NRG1: variants seen among roughly 807,000 people sequenced by gnomAD.
The protein encoded by NRG1 is neuregulin 1.
In NRG1, 18 loss-of-function variants were observed where a neutral mutation model predicts 63.8. The observed-to-expected ratio is 0.28, with a 90% CI of 0.19 to 0.42. NRG1 has a LOEUF of 0.42. Among genes scored for constraint, NRG1 ranks in the 10% least tolerant of loss-of-function variants. NRG1 has a pLI of 1.00. For missense variants in NRG1, 762 were observed against 814.7 expected (o/e 0.94, Z 0.79); for synonymous variants, 302 against 301.3 (o/e 1.00, Z -0.02).
At chr8:31,775,300 T>G (rs1819011806) in intron 1 of NRG1, among the ~76,000 whole-genome samples, 1 of 152,130 alleles carries the variant, frequency 6.6e-6, no homozygotes, top group Admixed American at 6.5e-5. Context: ...CATCAACAGG[T>G]ATGAACCTGG....
At chr8:32,071,384 A>G (rs1378371519) in intron 1 of NRG1, among the ~76,000 whole-genome samples, 1 of 152,208 alleles carries the variant, frequency 6.6e-6, no homozygotes, top group Non-Finnish European at 1.5e-5. Context: ...TTATATGTGA[A>G]TGAACTTTCA....
intron 1 of NRG1, among the ~76,000 whole-genome samples, chr8:32,012,072 C>G (rs1444111692): frequency 6.6e-6 from 1 of 152,014 alleles, no homozygotes; most frequent in Non-Finnish European, 1.5e-5. Flanking sequence ...GGTCTTAAGC[C>G]TAAGATGCCA....
At chr8:32,609,165 A>G (rs1434729198) in intron 3 of NRG1, among the ~76,000 whole-genome samples, 1 of 152,112 alleles carries the variant, frequency 6.6e-6, no homozygotes, top group Non-Finnish European at 1.5e-5. Context: ...TTTCCTGTAC[A>G]TTAGAGGAGA....
intron 1 of NRG1, among the ~76,000 whole-genome samples, chr8:31,641,472 A>G (rs1192083015): frequency 6.6e-6 from 1 of 152,106 alleles, no homozygotes; most frequent in East Asian, 1.9e-4. Flanking sequence ...AAGAAGAAGA[A>G]TTTTGGAAGT....
At chr8:32,718,432 C>T (rs1025081697) in intron 5 of NRG1, among the ~76,000 whole-genome samples, 1 of 152,150 alleles carries the variant, frequency 6.6e-6, no homozygotes, top group Non-Finnish European at 1.5e-5. Flanking sequence ...CTTCTACTCT[C>T]ACCTCCTTCA....
chr8:32,263,164 C>T (rs1022010121), intron 1 of NRG1, among the ~76,000 whole-genome samples: 2 of 152,118 alleles, frequency 1.3e-5, no homozygotes, highest in Non-Finnish European at 1.5e-5. Context: ...ACACTGTGCT[C>T]CACATTGTAA....
intron 1 of NRG1, among the ~76,000 whole-genome samples, chr8:31,766,279 A>AG: frequency 6.6e-6 from 1 of 152,332 alleles, no homozygotes; most frequent in East Asian, 1.9e-4. Flanking sequence ...ACGTTAAAAA[A>AG]GATCCCCTGA....
intron 5 of NRG1, chr8:32,722,106 T>C: frequency 7.6e-7 from 1 of 1,319,520 alleles, no homozygotes; most frequent in African/African-American, 1.5e-5. Flanking sequence ...ACATTTAAAA[T>C]GTGCATATTT....
chr8:31,727,335 G>A (rs560381294), intron 1 of NRG1, among the ~76,000 whole-genome samples: 20 of 152,230 alleles, frequency 1.3e-4, no homozygotes, highest in African/African-American at 4.3e-4. Context: ...ATTACAGCTC[G>A]CAGAGCTAAT....
chr8:32,533,859 C>T (rs1351269751), intron 1 of NRG1, among the ~76,000 whole-genome samples: 1 of 152,038 alleles, frequency 6.6e-6, no homozygotes, highest in Non-Finnish European at 1.5e-5. Flanking sequence ...TGATCAAGGA[C>T]ATTTTAGCAA....
rs947562587 is a variant in NRG1, at chr8:32,107,842, G to C, written c.37+468411G>C. ...TTTTTCCTATAAAGACAACCTGAAG[G>C]CTCTTTTGAAATATGTATAAGTGCT... On this transcript the variant is annotated intron_variant, in intron 1 of 10. Transcript: ENST00000519301. Among the ~76,000 whole-genome samples the C allele has an allele frequency of 2.6e-5, 4 of 152,146 alleles. 1 individual carries two copies. The highest frequency in any genetic ancestry group is 2.4e-5 in the African/African-American group (1 of 41,522).
At chr8:32,459,627 A>G (rs916537922) in intron 1 of NRG1, among the ~76,000 whole-genome samples, 2 of 151,250 alleles carry the variant, frequency 1.3e-5, no homozygotes, top group East Asian at 3.9e-4. Flanking sequence ...AAGAAGAAGG[A>G]AACATGAATT....
chr8:32,143,598 G>A (rs993480601), intron 1 of NRG1, among the ~76,000 whole-genome samples: 4 of 152,166 alleles, frequency 2.6e-5, no homozygotes, highest in African/African-American at 4.8e-5. Flanking sequence ...GGACAAGCAC[G>A]TTTCTCAGGC....
At chr8:31,852,305 C>A (rs1827322730) in intron 1 of NRG1, among the ~76,000 whole-genome samples, 2 of 150,126 alleles carry the variant, frequency 1.3e-5, no homozygotes, top group Non-Finnish European at 3.0e-5. Flanking sequence ...GCCATTCTAA[C>A]TGGTGTGAGA....
intron 1 of NRG1, among the ~76,000 whole-genome samples, chr8:32,280,691 GTT>G (rs1174950316): frequency 0.03 from 1,724 of 57,524 alleles, 23 homozygotes; most frequent in African/African-American, 0.074. Flanking sequence ...TTTTTTTTTT[GTT>G]TTTTTTTTTT....
chr8:32,210,293 G>A (rs1844558348), intron 1 of NRG1, among the ~76,000 whole-genome samples: 1 of 152,036 alleles, frequency 6.6e-6, no homozygotes, highest in Non-Finnish European at 1.5e-5. Flanking sequence ...TTGAACACAG[G>A]AATACCCAAG....
intron 1 of NRG1, among the ~76,000 whole-genome samples, chr8:32,240,942 G>A (rs753895063): frequency 2.0e-5 from 3 of 152,016 alleles, no homozygotes; most frequent in Admixed American, 2.0e-4. Flanking sequence ...GAAGGAGAAT[G>A]GGGGGTACCT....
rs145500700 is a variant in NRG1, at chr8:32,639,750, C to A, written c.502+22865C>A. ...TACATTTCTGGGTTGATTGGGGGAC[C>A]AGTTTATAGAATTGGCTGACAAGCA... On this transcript the variant is annotated intron_variant, in intron 5 of 11. Transcript: ENST00000356819. Among the ~76,000 whole-genome samples the A allele has an allele frequency of 5.9e-3, 891 of 152,258 alleles. 8 individuals are homozygous for A. Among genetic ancestry groups the A allele is most frequent in the Non-Finnish European group, 5.0e-3 (342 of 68,022 alleles).
intron 1 of NRG1, among the ~76,000 whole-genome samples, chr8:32,111,306 G>A (rs894064292): frequency 1.3e-5 from 2 of 151,954 alleles, no homozygotes; most frequent in African/African-American, 2.4e-5. Context: ...TAGTAGAGAC[G>A]GGGTTTCACT....
Sources: gnomAD v4.1 joint callset for allele counts (sites outside exome capture counted in the v4.1 genomes callset) on GRCh38, gnomAD v4.1.1 for gene constraint, MANE v1.5 for transcripts, NCBI Gene and HGNC (gene_info 2026-07-23, HGNC 2026-07-21) for gene names.